ANKRD26: variants seen among roughly 807,000 people sequenced by gnomAD.
ANKRD26 encodes ankyrin repeat domain 26.
A neutral mutation model predicts 208.7 loss-of-function variants in ANKRD26; 141 were observed. The observed-to-expected ratio is 0.68, with a 90% CI of 0.59 to 0.78. The LOEUF is 0.78. Ranked by LOEUF, ANKRD26 falls within the 30% of genes least tolerant of loss-of-function variation. ANKRD26 has a pLI of 0.00. For synonymous variants in ANKRD26, 636 were observed against 660.4 expected (o/e 0.96, Z 0.57); for missense variants, 1,889 against 1,938.7 (o/e 0.97, Z 0.48).
At chr10:26,975,828 T>G (rs2052218372) in exon 6 of ANKRD26, among the ~76,000 whole-genome samples, 1 of 151,490 alleles carries the variant, frequency 6.6e-6, no homozygotes. Context: ...GGTGACAGAG[T>G]GAGTATCCAC....
At chr10:27,069,134 G>A (rs956302353) in intron 9 of ANKRD26, among the ~76,000 whole-genome samples, 2 of 147,998 alleles carry the variant, frequency 1.4e-5, no homozygotes, top group African/African-American at 5.1e-5. Flanking sequence ...GGCAGAGCTT[G>A]CGGTGAACAG....
At chr10:26,974,468 G>C (rs2134598630) in exon 6 of ANKRD26, among the ~76,000 whole-genome samples, 1 of 151,924 alleles carries the variant, frequency 6.6e-6, no homozygotes, top group Non-Finnish European at 1.5e-5. Context: ...AGCCTCCAGA[G>C]TAGCTGGGAC....
At chr10:27,009,873 A>C (rs1249824516) in intron 32 of ANKRD26, among the ~76,000 whole-genome samples, 2 of 152,224 alleles carry the variant, frequency 1.3e-5, no homozygotes, top group Non-Finnish European at 2.9e-5. Context: ...CTGCAACTTC[A>C]TGTATACTTT....
intron 9 of ANKRD26, 110 bp from the exon 10 acceptor site, chr10:27,067,396 C>G: frequency 7.8e-7 from 1 of 1,277,600 alleles, no homozygotes; most frequent in Non-Finnish European, 1.1e-6. Flanking sequence ...TAAAGAAATA[C>G]CTGGTCATCC....
intron 9 of ANKRD26, among the ~76,000 whole-genome samples, chr10:27,075,062 C>G (rs1295423705): frequency 6.6e-6 from 1 of 152,070 alleles, no homozygotes; most frequent in Non-Finnish European, 1.5e-5. Flanking sequence ...AATACTAGAC[C>G]AGCCCTACAA....
chr10:26,961,556 G>T, the ANKRD26 span, among the ~76,000 whole-genome samples: 4 of 152,238 alleles, frequency 2.6e-5, no homozygotes, highest in South Asian at 8.3e-4. Context: ...ATAAACTGGG[G>T]AGTATTGGCC....
At position 27,052,213 on chromosome 10, in the gene ANKRD26, A is replaced by G. The variant is rs867715721; in HGVS notation, c.1635+1107T>C. On this transcript the variant is annotated intron_variant, in intron 16 of 33. Transcript: ENST00000376087. ...AAAATTCAACTGTTAAACTTAGTCT[A>G]TGTTTAGTTACTCCCAAATCACTGG... The G allele has an allele frequency of 1.2e-4, 118 of 969,150 alleles. No homozygotes were observed. In the African/African-American group the frequency reaches 2.0e-3, roughly 16 times the overall value. The allele number at this position is 969,150 out of a possible 1,614,324, so 60.0% of individuals were successfully genotyped here.
exon 6 of ANKRD26, among the ~76,000 whole-genome samples, chr10:26,975,099 A>G (rs2052205257): frequency 1.3e-5 from 2 of 152,186 alleles, no homozygotes; most frequent in South Asian, 4.1e-4. Context: ...CAGCTAGGGC[A>G]TGGTTTTAAC....
chr10:26,965,517 A>G, the ANKRD26 span, among the ~76,000 whole-genome samples: 12 of 152,348 alleles, frequency 7.9e-5, no homozygotes, highest in Middle Eastern at 3.4e-3. Flanking sequence ...AAAACCCAAA[A>G]CCATGGAAAC....
intron 1 of ANKRD26, among the ~76,000 whole-genome samples, chr10:27,096,291 A>G (rs561638996): frequency 1.3e-5 from 2 of 152,358 alleles, no homozygotes; most frequent in Admixed American, 6.5e-5. Context: ...CAGATTAGCT[A>G]CATTATGTAT....
intron 29 of ANKRD26, among the ~76,000 whole-genome samples, chr10:27,018,198 G>A (rs538102162): frequency 1.6e-4 from 23 of 143,876 alleles, no homozygotes; most frequent in African/African-American, 6.0e-4. Context: ...GCAGTGGTGT[G>A]ATCTCCACTC....
At chr10:26,986,841 A>G (rs2052397384) in intron 3 of ANKRD26, among the ~76,000 whole-genome samples, 1 of 152,232 alleles carries the variant, frequency 6.6e-6, no homozygotes, top group African/African-American at 2.4e-5. Flanking sequence ...GGGACTGTAA[A>G]CTAGTTCAAC....
intron 25 of ANKRD26, chr10:27,030,293 G>T (rs1031051755): frequency 1.2e-6 from 1 of 814,646 alleles, no homozygotes; most frequent in Non-Finnish European, 1.5e-6. Flanking sequence ...TAAGCCGACA[G>T]TACTTTAAAC....
In ANKRD26 at chr10:27,035,652, T is replaced by A. The variant is rs1410439472; in HGVS notation, c.2798A>T (p.Asn933Ile). The A allele has an allele frequency of 1.9e-6, 3 of 1,589,992 alleles. No individual in the cohort carries two copies. The highest frequency in any genetic ancestry group is 2.6e-6 in the Non-Finnish European group (3 of 1,172,594). ...MLRLEIDTIK[N>I]QNQEKEKKCF... Reference sequence around the variant, plus strand: ...TTTCTTTTCTTTTTCCTGGTTTTGATTTTTTATTGTGTCTATTTCTAGTCT... The same window carrying A: ...TTTCTTTTCTTTTTCCTGGTTTTGAATTTTTATTGTGTCTATTTCTAGTCT... Residue 933 changes from asparagine (N) to isoleucine (I), a missense_variant, in exon 24 of 34, where the codon AAT becomes ATT. Transcript: ENST00000376087.
chr10:27,034,734 A>C (rs1365014116), intron 24 of ANKRD26, 62 bp downstream of exon 24: 1 of 1,054,680 alleles, frequency 9.5e-7, no homozygotes, highest in Non-Finnish European at 1.4e-6. Context: ...CTACATAACT[A>C]TATATTATTT....
the ANKRD26 span, among the ~76,000 whole-genome samples, chr10:26,956,585 T>C: frequency 0.095 from 14,444 of 152,064 alleles, 1,350 homozygotes; most frequent in East Asian, 0.48. Context: ...TGAGCCATGA[T>C]TGTGCCTCTG....
chr10:27,064,664 T>C (rs1310554826), intron 11 of ANKRD26, among the ~76,000 whole-genome samples: 1 of 152,122 alleles, frequency 6.6e-6, no homozygotes, highest in Non-Finnish European at 1.5e-5. Flanking sequence ...AAGTAAACAA[T>C]GGCTTAGAAA....
intron 29 of ANKRD26, 48 bp from the exon 30 acceptor site, chr10:27,017,840 G>T: frequency 1.3e-6 from 2 of 1,544,090 alleles, no homozygotes; most frequent in East Asian, 2.3e-5. Flanking sequence ...AGTAGCCTGA[G>T]AATAGCCTAA....
In ANKRD26 at chr10:27,012,931, G is replaced by C; in HGVS notation, c.4904C>G (p.Thr1635Ser). 1 of 1,614,076 alleles carries C rather than the reference G, an allele frequency of 6.2e-7. No individual in the cohort carries two copies. Among genetic ancestry groups the C allele is most frequent in the African/African-American group, 1.3e-5 (1 of 75,052 alleles). The change falls in exon 32 of 34, where the codon ACC (threonine) becomes AGC (serine). Residue 1635 changes from threonine (T) to serine (S), a missense_variant. This residue lies in a region of ANKRD26 where 613 missense variants were observed against 648.2 expected (regional missense o/e 0.95). Transcript: ENST00000376087. Reference sequence around the variant, plus strand: ...ATTATTTGAAGCCCGTGGATTTGAGGTAGAGATCACTAAGTTTTCTCTTGG... The same window carrying C: ...ATTATTTGAAGCCCGTGGATTTGAGCTAGAGATCACTAAGTTTTCTCTTGG... ...LIPRENLVIS[T>S]SNPRASNNSM...
Sources: gnomAD v4.1 joint callset for allele counts (sites outside exome capture counted in the v4.1 genomes callset) on GRCh38, gnomAD v4.1.1 for gene constraint, gnomAD v4.1.1 regional missense constraint, MANE v1.5 for transcripts, NCBI Gene and HGNC (gene_info 2026-07-23, HGNC 2026-07-21) for gene names.